Variants in DPYSL2 observed in about 807,000 individuals in gnomAD.
DPYSL2 encodes the protein dihydropyrimidinase-related protein 2.
DPYSL2 carries 13 observed loss-of-function variants against 69.9 expected under a neutral mutation model. The ratio of observed to expected loss-of-function variants is 0.19; its 90% confidence interval spans 0.12 to 0.30. DPYSL2 has a LOEUF of 0.30. Ranked by LOEUF, DPYSL2 falls within the 10% of genes least tolerant of loss-of-function variation. The pLI is 1.00. For synonymous variants in DPYSL2, 326 were observed against 359.1 expected (o/e 0.91, Z 1.04); for missense variants, 587 against 918.9 (o/e 0.64, Z 4.67).
chr8:26,538,488 G>A (rs929328795), intron 1 of DPYSL2, among the ~76,000 whole-genome samples: 3 of 152,082 alleles, frequency 2.0e-5, no homozygotes, highest in Admixed American at 6.5e-5. Flanking sequence ...AAAAGGGAGC[G>A]GGAGGACCTC....
At chr8:26,528,384 C>T (rs941331905) in intron 1 of DPYSL2, among the ~76,000 whole-genome samples, 7 of 152,256 alleles carry the variant, frequency 4.6e-5, no homozygotes, top group Non-Finnish European at 1.0e-4. Flanking sequence ...CGCGGTGGCT[C>T]ATGCCTATAA....
chr8:26,601,131 A>G (rs1379226176), intron 3 of DPYSL2, among the ~76,000 whole-genome samples: 1 of 152,074 alleles, frequency 6.6e-6, no homozygotes, highest in Non-Finnish European at 1.5e-5. Context: ...TTCCTTCTAC[A>G]TTTGTAGTTT....
At chr8:26,529,254 A>G (rs886893212) in intron 1 of DPYSL2, among the ~76,000 whole-genome samples, 20 of 149,098 alleles carry the variant, frequency 1.3e-4, no homozygotes, top group Admixed American at 1.3e-3. Context: ...CTATCTATCT[A>G]TCTATCTATC....
rs1801652772 is a variant in DPYSL2 at position 26,588,508 on chromosome 8, T to C, written c.628+4525T>C. On this transcript the variant is annotated intron_variant, in intron 3 of 13. Transcript: ENST00000521913. The surrounding 1 kb of genome is among the most constrained non-coding windows in gnomAD (Gnocchi z 5.4). Reference sequence around the variant, plus strand: ...GGGAACCACTGCTCTGAATGTCATTTCTGCTCACCTGAACTCCAGGCTCTC... The same window carrying C: ...GGGAACCACTGCTCTGAATGTCATTCCTGCTCACCTGAACTCCAGGCTCTC... Among the ~76,000 whole-genome samples, 1 of 152,178 alleles carries C rather than the reference T, an allele frequency of 6.6e-6. No individual in the cohort carries two copies. Among genetic ancestry groups the C allele is most frequent in the Non-Finnish European group, 1.5e-5 (1 of 68,020 alleles).
intron 1 of DPYSL2, among the ~76,000 whole-genome samples, chr8:26,549,522 G>A (rs1050828607): frequency 2.0e-5 from 3 of 152,086 alleles, no homozygotes; most frequent in African/African-American, 4.8e-5. Flanking sequence ...TAATGACTGC[G>A]AATTTCTCAA....
chr8:26,603,729 T>C (rs1802045661), intron 3 of DPYSL2, among the ~76,000 whole-genome samples: 1 of 152,240 alleles, frequency 6.6e-6, no homozygotes, highest in Admixed American at 6.5e-5. Context: ...TGGATTTGAC[T>C]GTTCTAGGAA....
intron 1 of DPYSL2, among the ~76,000 whole-genome samples, chr8:26,558,247 A>G (rs574124710): frequency 6.6e-6 from 1 of 152,322 alleles, no homozygotes; most frequent in South Asian, 2.1e-4. Context: ...AGACACTGGA[A>G]TATTACTAGG....
At chr8:26,526,150 A>G (rs1472348642) in intron 1 of DPYSL2, among the ~76,000 whole-genome samples, 1 of 152,058 alleles carries the variant, frequency 6.6e-6, no homozygotes, top group African/African-American at 2.4e-5. Flanking sequence ...GCTGGAGTGC[A>G]GTGGCATGAT....
chr8:26,528,657 GAAAGA>G (rs975421259), intron 1 of DPYSL2, among the ~76,000 whole-genome samples: 1 of 150,076 alleles, frequency 6.7e-6, no homozygotes, highest in Non-Finnish European at 1.5e-5. Flanking sequence ...AAAAAAAAAA[GAAAGA>G]AAAGAAAAGA....
intron 1 of DPYSL2, chr8:26,547,758 G>A (rs997580781): frequency 1.4e-5 from 4 of 287,380 alleles, no homozygotes; most frequent in Middle Eastern, 1.3e-3. Context: ...GCAAGCAGGC[G>A]GAGGTCTTCA....
intron 1 of DPYSL2, chr8:26,547,935 G>T: frequency 3.9e-6 from 1 of 259,282 alleles, no homozygotes; most frequent in South Asian, 5.2e-5. Flanking sequence ...CAAGGATGAT[G>T]AGTTGGAAAC....
chr8:26,568,692 A>G (rs1801190435), intron 1 of DPYSL2, among the ~76,000 whole-genome samples: 1 of 123,286 alleles, frequency 8.1e-6, no homozygotes, highest in Admixed American at 8.1e-5. Flanking sequence ...ATCATGGCGG[A>G]TTCTTTTAAG....
intron 1 of DPYSL2, among the ~76,000 whole-genome samples, chr8:26,548,915 G>A (rs183523663): frequency 7.2e-5 from 11 of 152,000 alleles, no homozygotes; most frequent in East Asian, 1.9e-4. Flanking sequence ...TAGGCCGGGC[G>A]CAGTGGCTCA....
At chr8:26,523,565 G>C (rs1281618782) in intron 1 of DPYSL2, among the ~76,000 whole-genome samples, 1 of 152,178 alleles carries the variant, frequency 6.6e-6, no homozygotes, top group Non-Finnish European at 1.5e-5. Flanking sequence ...TGGAATCAAA[G>C]AGTATGTGTC....
intron 3 of DPYSL2, among the ~76,000 whole-genome samples, chr8:26,600,548 C>T (rs1012133614): frequency 5.3e-5 from 8 of 152,136 alleles, no homozygotes; most frequent in Admixed American, 1.3e-4. Flanking sequence ...TTTTGAGGCC[C>T]GTGTACTCAT....
intron 1 of DPYSL2, among the ~76,000 whole-genome samples, chr8:26,572,646 TC>T (rs1409661046): frequency 6.6e-6 from 1 of 151,954 alleles, no homozygotes; most frequent in Non-Finnish European, 1.5e-5. Context: ...ATTACAGGCG[TC>T]CCCTACCACG....
chr8:26,611,957 C>T (rs1156957239), intron 3 of DPYSL2, among the ~76,000 whole-genome samples: 6 of 152,206 alleles, frequency 3.9e-5, no homozygotes, highest in African/African-American at 1.4e-4. Context: ...GCTTAGGCCT[C>T]AGGTTGATGA....
At chr8:26,613,294 A>T (rs1289240903) in intron 3 of DPYSL2, among the ~76,000 whole-genome samples, 1 of 152,194 alleles carries the variant, frequency 6.6e-6, no homozygotes, top group African/African-American at 2.4e-5. Context: ...CCCTACCCAC[A>T]GTCTCCAGCT....
At chr8:26,581,928 G>T in intron 1 of DPYSL2, 41 bp from the exon 2 acceptor site, 1 of 1,436,862 alleles carries the variant, frequency 7.0e-7, no homozygotes, top group Non-Finnish European at 9.8e-7. Context: ...GTTTCTCATA[G>T]GTCAGTTACG....
Sources: gnomAD v4.1 joint callset for allele counts (sites outside exome capture counted in the v4.1 genomes callset) on GRCh38, gnomAD v4.1.1 for gene constraint, Gnocchi (gnomAD v3.1) non-coding constraint, MANE v1.5 for transcripts, NCBI Gene and HGNC (gene_info 2026-07-23, HGNC 2026-07-21) for gene names.